PRKD1: variants seen among roughly 807,000 people sequenced by gnomAD.
PRKD1 encodes protein kinase D1.
PRKD1 carries 63 observed loss-of-function variants against 95.9 expected under a neutral mutation model. That is an observed-to-expected ratio of 0.66 (90% CI 0.54 to 0.81). PRKD1 has a LOEUF of 0.81. Ranked by LOEUF, PRKD1 falls within the 30% of genes least tolerant of loss-of-function variation. PRKD1 has a pLI of 0.00. For synonymous variants in PRKD1, 425 were observed against 423.1 expected (o/e 1.00, Z -0.05); for missense variants, 1,048 against 1,165.3 (o/e 0.90, Z 1.47).
At chr14:29,862,402 T>A (rs1440884782) in intron 1 of PRKD1, among the ~76,000 whole-genome samples, 1 of 152,164 alleles carries the variant, frequency 6.6e-6, no homozygotes, top group Non-Finnish European at 1.5e-5. Flanking sequence ...CCCTCAGCAG[T>A]GGGACTGCTG....
chr14:29,874,408 C>T (rs1006496994), intron 1 of PRKD1, among the ~76,000 whole-genome samples: 2 of 152,124 alleles, frequency 1.3e-5, no homozygotes, highest in African/African-American at 4.8e-5. Context: ...CTACGGAAAA[C>T]AGTATGAAGA....
intron 1 of PRKD1, among the ~76,000 whole-genome samples, chr14:29,740,322 G>A (rs1222876956): frequency 2.0e-5 from 3 of 152,158 alleles, no homozygotes; most frequent in Admixed American, 6.5e-5. Flanking sequence ...CACAGGTACT[G>A]AACAAAATGA....
At chr14:29,921,012 G>C (rs1326153304) in intron 1 of PRKD1, among the ~76,000 whole-genome samples, 1 of 152,068 alleles carries the variant, frequency 6.6e-6, no homozygotes, top group Non-Finnish European at 1.5e-5. Context: ...TTAAATTTTG[G>C]TCTTGAGAAC....
intron 1 of PRKD1, among the ~76,000 whole-genome samples, chr14:29,743,188 C>G (rs1887057772): frequency 6.6e-6 from 1 of 152,058 alleles, no homozygotes; most frequent in African/African-American, 2.4e-5. Flanking sequence ...ACTCAAGGTA[C>G]CTGAGAAATC....
chr14:29,605,028 C>T (rs1893655124), intron 13 of PRKD1, among the ~76,000 whole-genome samples: 1 of 152,148 alleles, frequency 6.6e-6, no homozygotes, highest in East Asian at 1.9e-4. Flanking sequence ...CTTCCAACAA[C>T]CCACTGGTCT....
chr14:29,663,553 C>G, intron 4 of PRKD1, 146 bp downstream of exon 4: 1 of 856,248 alleles, frequency 1.2e-6, no homozygotes, highest in Non-Finnish European at 1.8e-6. Context: ...ACTGACCAAT[C>G]TACAGCACAA....
intron 1 of PRKD1, among the ~76,000 whole-genome samples, chr14:29,816,335 G>A (rs374090399): frequency 5.9e-5 from 9 of 152,154 alleles, no homozygotes; most frequent in African/African-American, 2.2e-4. Flanking sequence ...AGAAAACCAA[G>A]CTTCCTGAGC....
chr14:29,676,682 G>C (rs1386540227), intron 2 of PRKD1, among the ~76,000 whole-genome samples: 1 of 152,064 alleles, frequency 6.6e-6, no homozygotes, highest in African/African-American at 2.4e-5. Context: ...TTTAGTACAA[G>C]GTGCAGCTGA....
intron 1 of PRKD1, chr14:29,812,027 T>C (rs553335748): frequency 6.6e-6 from 1 of 152,172 alleles, no homozygotes; most frequent in African/African-American, 2.4e-5. Context: ...TTATTTCATA[T>C]AACTAAATAC....
intron 1 of PRKD1, among the ~76,000 whole-genome samples, chr14:29,758,793 C>T (rs1261506291): frequency 6.6e-6 from 1 of 152,156 alleles, no homozygotes. Context: ...ACATGTAAAG[C>T]CAGGATTAGA....
intron 2 of PRKD1, among the ~76,000 whole-genome samples, chr14:29,701,257 T>A (rs1047718755): frequency 2.0e-5 from 3 of 152,142 alleles, no homozygotes; most frequent in African/African-American, 7.2e-5. Flanking sequence ...AAATGTATGT[T>A]CTTGGCCACA....
intron 1 of PRKD1, among the ~76,000 whole-genome samples, chr14:29,762,886 G>T (rs1888063471): frequency 6.6e-6 from 1 of 152,088 alleles, no homozygotes; most frequent in East Asian, 1.9e-4. Flanking sequence ...TGGGATTACA[G>T]GCACATGCCA....
chr14:29,813,442 C>T (rs1196510896), intron 1 of PRKD1, among the ~76,000 whole-genome samples: 1 of 152,150 alleles, frequency 6.6e-6, no homozygotes, highest in Middle Eastern at 3.2e-3. Flanking sequence ...CTGAATTCTT[C>T]AGGCTGACTT....
chr14:29,725,811 A>G, intron 1 of PRKD1, 137 bp from the exon 2 acceptor site: 1 of 841,358 alleles, frequency 1.2e-6, no homozygotes. Flanking sequence ...TAAAATTAAA[A>G]AATAAATAAA....
chr14:29,850,897 A>T lies in PRKD1; in HGVS notation c.264+76352T>A, dbSNP rs188636803. 9.0e-3 allele frequency among the ~76,000 whole-genome samples: 1,020 copies of T among 113,482 alleles called. 5 individuals are homozygous for T. The highest frequency in any genetic ancestry group is 9.8e-3 in the Non-Finnish European group (541 of 55,070). 74.4% of individuals were successfully genotyped at this position (113,482 alleles called of 152,430 possible). A position where few individuals can be genotyped will look rare whatever the true frequency, so the allele number is the denominator to read the frequency against. ...GCACAAAAACAGACAAAAAAAAATTAAAAAAAAAAACCAATGGGACAGAAT... is the reference window on the plus strand; with the variant it reads ...GCACAAAAACAGACAAAAAAAAATTTAAAAAAAAAACCAATGGGACAGAAT... On this transcript the variant is annotated intron_variant, in intron 1 of 17. Transcript: ENST00000331968.
At chr14:29,900,597 G>A (rs967650335) in intron 1 of PRKD1, among the ~76,000 whole-genome samples, 1 of 151,998 alleles carries the variant, frequency 6.6e-6, no homozygotes, top group African/African-American at 2.4e-5. Flanking sequence ...TCTGACAAAG[G>A]TCAAATATCC....
intron 2 of PRKD1, among the ~76,000 whole-genome samples, chr14:29,676,960 C>T (rs996078969): frequency 7.2e-5 from 11 of 152,100 alleles, no homozygotes; most frequent in East Asian, 1.9e-4. Context: ...TCAGTCACAC[C>T]GGCTACATTC....
intron 3 of PRKD1, among the ~76,000 whole-genome samples, chr14:29,665,274 CATGA>C (rs1882424182): frequency 1.3e-5 from 2 of 152,248 alleles, no homozygotes; most frequent in South Asian, 4.1e-4. Context: ...GTTTTCAGTA[CATGA>C]ATGAATTATA....
chr14:29,578,456 A>G, intron 16 of PRKD1, 96 bp from the exon 17 acceptor site: 1 of 839,396 alleles, frequency 1.2e-6, no homozygotes, highest in South Asian at 2.3e-5. Flanking sequence ...ACACAGTTAA[A>G]TGCAGCATAG....
Sources: allele counts gnomAD v4.1 joint callset (sites outside exome capture counted in the v4.1 genomes callset), GRCh38; gene constraint gnomAD v4.1.1; transcripts MANE v1.5; gene names NCBI Gene and HGNC (gene_info 2026-07-23, HGNC 2026-07-21).